PFKFB3: variants seen among roughly 807,000 people sequenced by gnomAD.
PFKFB3 encodes 6-phosphofructo-2-kinase/fructose-2,6-biphosphatase 3.
In PFKFB3, 33 loss-of-function variants were observed where a neutral mutation model predicts 68.0. The ratio of observed to expected loss-of-function variants is 0.49; its 90% confidence interval spans 0.37 to 0.65. The LOEUF (loss-of-function observed/expected upper bound fraction) is 0.65, where lower values mean the gene tolerates loss of function less well. Ranked by LOEUF, PFKFB3 falls within the 30% of genes least tolerant of loss-of-function variation. The pLI is 0.00. For synonymous variants in PFKFB3, 315 were observed against 288.2 expected (o/e 1.09, Z -0.94); for missense variants, 586 against 712.2 (o/e 0.82, Z 2.02).
At chr10:6,173,622 C>T (rs1009364067) in intron 1 of PFKFB3, among the ~76,000 whole-genome samples, 4 of 151,840 alleles carry the variant, frequency 2.6e-5, no homozygotes, top group Admixed American at 6.6e-5. Context: ...TTAGTAGACA[C>T]AGAGGGAATA....
chr10:6,159,540 A>G (rs944710536), intron 1 of PFKFB3, among the ~76,000 whole-genome samples: 3 of 151,574 alleles, frequency 2.0e-5, no homozygotes, highest in African/African-American at 7.3e-5. Flanking sequence ...AAATACAAAA[A>G]AATTAGCTGG....
intron 1 of PFKFB3, among the ~76,000 whole-genome samples, chr10:6,210,628 T>TCGATCTCC (rs1588487222): frequency 1.9e-4 from 1 of 5,202 alleles, no homozygotes; most frequent in African/African-American, 3.6e-4. Flanking sequence ...CAGGATAGTC[T>TCGATCTCC]TGATAGTGTT....
At chr10:6,155,829 A>T (rs1841764017) in intron 1 of PFKFB3, among the ~76,000 whole-genome samples, 1 of 152,172 alleles carries the variant, frequency 6.6e-6, no homozygotes, top group Non-Finnish European at 1.5e-5. Context: ...ACAGATTTAA[A>T]AACCTCATTC....
chr10:6,165,160 G>A (rs576495327), intron 1 of PFKFB3, among the ~76,000 whole-genome samples: 1 of 152,298 alleles, frequency 6.6e-6, no homozygotes, highest in East Asian at 1.9e-4. Flanking sequence ...GGTCCCTGCA[G>A]CCTTCTGCAG....
intron 14 of PFKFB3, among the ~76,000 whole-genome samples, chr10:6,230,005 A>G (rs1359983531): frequency 2.6e-5 from 4 of 152,172 alleles, no homozygotes; most frequent in Non-Finnish European, 5.9e-5. Context: ...TCCACAGCCC[A>G]GGGGTTAGGG....
chr10:6,303,217 G>T, the PFKFB3 span, among the ~76,000 whole-genome samples: 5 of 152,124 alleles, frequency 3.3e-5, no homozygotes, highest in African/African-American at 2.4e-5. Flanking sequence ...TATGCTGTGT[G>T]AGGAATACAT....
chr10:6,225,315 A>G (rs1043774407), intron 13 of PFKFB3: 2 of 415,322 alleles, frequency 4.8e-6, no homozygotes, highest in Non-Finnish European at 9.9e-6. Flanking sequence ...TGTCCGCCCC[A>G]GTCGCTGGCA....
At chr10:6,288,933 T>A in the PFKFB3 span, among the ~76,000 whole-genome samples, 1 of 151,748 alleles carries the variant, frequency 6.6e-6, no homozygotes, top group African/African-American at 2.4e-5. Context: ...GTGGTTTTGA[T>A]TTGCATTTCT....
intron 14 of PFKFB3, among the ~76,000 whole-genome samples, chr10:6,242,683 G>T (rs1846167105): frequency 6.6e-6 from 1 of 152,016 alleles, no homozygotes; most frequent in Non-Finnish European, 1.5e-5. Context: ...CACCTCCTGA[G>T]TTCAAGCGAC....
At chr10:6,205,387 C>T (rs925842928) in intron 1 of PFKFB3, among the ~76,000 whole-genome samples, 99 of 67,798 alleles carry the variant, frequency 1.5e-3, no homozygotes, top group Non-Finnish European at 2.4e-3. Context: ...TTTCTTTCTT[C>T]CTTTTTTTTT....
At chr10:6,160,259 G>T (rs1202323542) in intron 1 of PFKFB3, among the ~76,000 whole-genome samples, 20 of 152,090 alleles carry the variant, frequency 1.3e-4, no homozygotes. Flanking sequence ...TTGGCTGATG[G>T]GGTCATAGTT....
chr10:6,215,623 C>T lies in PFKFB3; in HGVS notation c.299+306C>T, dbSNP rs969478521. ...TCCCCTGAGGGTCTCGCTGAGCTGA[C>T]CCTCACTGGGACAGAGCCGCAGAAG... On this transcript the variant is annotated intron_variant, in intron 3 of 14. Transcript: ENST00000379775. This position sits in a 1 kb window ranked among gnomAD's most constrained non-coding sequence, Gnocchi z 4.3. Among the ~76,000 whole-genome samples the T allele has an allele frequency of 2.0e-5, 3 of 152,150 alleles. No individual in the cohort carries two copies. Among genetic ancestry groups the T allele is most frequent in the Non-Finnish European group, 4.4e-5 (3 of 68,020 alleles).
chr10:6,151,667 T>G (rs914499290), intron 1 of PFKFB3, among the ~76,000 whole-genome samples: 2 of 152,052 alleles, frequency 1.3e-5, no homozygotes, highest in African/African-American at 2.4e-5. Flanking sequence ...GCCACAGCAG[T>G]GGAGAAAGAT....
intron 1 of PFKFB3, 117 bp downstream of exon 1, chr10:6,203,453 C>CGGCGG (rs1396721001): frequency 8.0e-5 from 41 of 513,890 alleles, no homozygotes; most frequent in Non-Finnish European, 1.1e-4. Flanking sequence ...CGGGTCGCGC[C>CGGCGG]GGCGGGGCGG....
chr10:6,187,205 A>G (rs1842890959), intron 1 of PFKFB3, among the ~76,000 whole-genome samples: 1 of 151,616 alleles, frequency 6.6e-6, no homozygotes, highest in Non-Finnish European at 1.5e-5. Context: ...TACTAAAAAA[A>G]AAAAAATTAG....
At chr10:6,265,174 G>A in the PFKFB3 span, among the ~76,000 whole-genome samples, 4 of 145,968 alleles carry the variant, frequency 2.7e-5, no homozygotes, top group East Asian at 4.1e-4. Context: ...TCCACCTCCC[G>A]GGTTCAAGCG....
chr10:6,160,718 C>CAAAAAAAAAAAAAAAAAAA (rs538580465), intron 1 of PFKFB3, among the ~76,000 whole-genome samples: 1 of 78,684 alleles, frequency 1.3e-5, no homozygotes, highest in Non-Finnish European at 2.3e-5. Flanking sequence ...GACTCTGTCT[C>CAAAAAAAAAAAAAAAAAAA]AAAAAAAAAA....
At chr10:6,275,166 G>C in the PFKFB3 span, among the ~76,000 whole-genome samples, 1 of 152,214 alleles carries the variant, frequency 6.6e-6, no homozygotes. The surrounding 1 kb of genome is among the most constrained non-coding windows in gnomAD (Gnocchi z 4.9). Flanking sequence ...GCACTTGGGG[G>C]CCTTGTGCCA....
the PFKFB3 span, among the ~76,000 whole-genome samples, chr10:6,323,069 T>C: frequency 6.6e-6 from 1 of 152,194 alleles, no homozygotes; most frequent in African/African-American, 2.4e-5. Flanking sequence ...CTGTGGATCA[T>C]TCATCATGAC....
Sources: gnomAD v4.1 joint callset for allele counts (sites outside exome capture counted in the v4.1 genomes callset) on GRCh38, gnomAD v4.1.1 for gene constraint, Gnocchi (gnomAD v3.1) non-coding constraint, MANE v1.5 for transcripts, NCBI Gene and HGNC (gene_info 2026-07-23, HGNC 2026-07-21) for gene names.